GPM6A: variants seen among roughly 807,000 people sequenced by gnomAD.
GPM6A encodes the protein glycoprotein M6A, also known as neuronal membrane glycoprotein M6-a.
GPM6A carries 7 observed loss-of-function variants against 32.1 expected under a neutral mutation model. The ratio of observed to expected loss-of-function variants is 0.22; its 90% CI spans 0.12 to 0.41. GPM6A has a LOEUF of 0.41. GPM6A is among the 10% of genes least tolerant of loss of function. GPM6A has a pLI of 1.00. For synonymous variants in GPM6A, 130 were observed against 123.4 expected, an observed-to-expected ratio of 1.05 and a Z score of -0.35; for missense variants, 235 against 347.2, an observed-to-expected ratio of 0.68 and a Z score of 2.57.
intron 6 of GPM6A, among the ~76,000 whole-genome samples, chr4:175,636,258 C>CTATATATATA (rs1553967457): frequency 2.9e-5 from 1 of 34,100 alleles, no homozygotes. Flanking sequence ...AGCATAATCA[C>CTATATATATA]TGTATATATA....
rs377016641 is a variant in GPM6A, at chr4:175,713,856, C to T, written c.38-12089G>A. ...TGCTGAATCTCATTATTTTTGATAG[C>T]GGTTGTTGGTTTTCCTTGTCTGATC... On this transcript the variant is annotated intron_variant, in intron 1 of 6. Coordinates refer to ENST00000393658, the MANE Select transcript of GPM6A (RefSeq NM_201591.3). 5.9e-5 allele frequency among the ~76,000 whole-genome samples: 9 copies of T among 152,162 alleles called. No homozygotes were observed. In the South Asian group the frequency reaches 1.2e-3, roughly 21 times the overall value.
At chr4:175,789,836 C>A (rs1040329249) in intron 1 of GPM6A, among the ~76,000 whole-genome samples, 1 of 152,166 alleles carries the variant, frequency 6.6e-6, no homozygotes, top group African/African-American at 2.4e-5. Flanking sequence ...TCCTGTGTGC[C>A]AATGTGCCTT....
chr4:175,796,230 T>A (rs762350536), intron 1 of GPM6A, among the ~76,000 whole-genome samples: 1 of 152,174 alleles, frequency 6.6e-6, no homozygotes, highest in Admixed American at 6.5e-5. Context: ...TTATCTTTTA[T>A]CAATAAGAGT....
At chr4:175,797,605 A>G (rs148529342) in intron 1 of GPM6A, among the ~76,000 whole-genome samples, 2 of 152,282 alleles carry the variant, frequency 1.3e-5, no homozygotes, top group East Asian at 3.9e-4. Context: ...TGAATAATCC[A>G]GATTAAAGAC....
At chr4:175,818,958 G>A (rs1735195702) in intron 1 of GPM6A, among the ~76,000 whole-genome samples, 1 of 152,040 alleles carries the variant, frequency 6.6e-6, no homozygotes, top group African/African-American at 2.4e-5. Context: ...ACACTCTTTG[G>A]GCCAAACTTA....
At chr4:175,853,206 G>C (rs1307585625) in intron 1 of GPM6A, among the ~76,000 whole-genome samples, 1 of 151,948 alleles carries the variant, frequency 6.6e-6, no homozygotes, top group Non-Finnish European at 1.5e-5. Flanking sequence ...TGAATAATTT[G>C]CTGCTTCTAT....
At chr4:175,681,354 C>T (rs896954984) in intron 2 of GPM6A, among the ~76,000 whole-genome samples, 1 of 152,168 alleles carries the variant, frequency 6.6e-6, no homozygotes, top group African/African-American at 2.4e-5. Context: ...TGAAATTCAA[C>T]ATCTTTTAAT....
At chr4:175,798,277 A>G (rs1734318087) in intron 1 of GPM6A, among the ~76,000 whole-genome samples, 1 of 152,322 alleles carries the variant, frequency 6.6e-6, no homozygotes, top group East Asian at 1.9e-4. Flanking sequence ...TTGCTGTTAC[A>G]TCATTTAATA....
chr4:175,793,507 G>T (rs531055268), intron 1 of GPM6A, among the ~76,000 whole-genome samples: 1 of 152,252 alleles, frequency 6.6e-6, no homozygotes, highest in East Asian at 1.9e-4. Context: ...CTCCTGAGTA[G>T]CTGGGAATAT....
intron 1 of GPM6A, among the ~76,000 whole-genome samples, chr4:175,738,206 G>A (rs1731742061): frequency 6.6e-6 from 1 of 152,132 alleles, no homozygotes; most frequent in Non-Finnish European, 1.5e-5. Flanking sequence ...CCAATGTGCT[G>A]GGATTACAGA....
intron 2 of GPM6A, among the ~76,000 whole-genome samples, chr4:175,685,258 G>A (rs186345678): frequency 8.5e-4 from 130 of 152,266 alleles, no homozygotes; most frequent in African/African-American, 2.8e-3. Context: ...GTCCATTGAC[G>A]TTTTATTAGG....
intron 2 of GPM6A, among the ~76,000 whole-genome samples, chr4:175,678,684 T>C (rs1481201346): frequency 6.6e-6 from 1 of 152,198 alleles, no homozygotes; most frequent in South Asian, 2.1e-4. Flanking sequence ...ATGTGAACTG[T>C]GTAAACCTGT....
At chr4:175,923,583 G>A (rs931743145) in intron 1 of GPM6A, among the ~76,000 whole-genome samples, 5 of 151,256 alleles carry the variant, frequency 3.3e-5, no homozygotes, top group Non-Finnish European at 7.4e-5. Context: ...AGACAAGATC[G>A]GGCTCTCTTG....
At chr4:175,907,945 C>T (rs145913761) in intron 1 of GPM6A, among the ~76,000 whole-genome samples, 8 of 152,084 alleles carry the variant, frequency 5.3e-5, no homozygotes, top group East Asian at 1.9e-4. Flanking sequence ...CATAAACCTA[C>T]GATGGGTAAG....
chr4:175,778,627 C>CCAAA (rs1733489838), intron 1 of GPM6A, among the ~76,000 whole-genome samples: 2 of 75,202 alleles, frequency 2.7e-5, no homozygotes, highest in Non-Finnish European at 4.8e-5. Context: ...CTGTATCCAA[C>CCAAA]AAAAAAAAAA....
intron 2 of GPM6A, among the ~76,000 whole-genome samples, chr4:175,681,187 G>A (rs1313160428): frequency 6.6e-6 from 1 of 152,070 alleles, no homozygotes; most frequent in Non-Finnish European, 1.5e-5. Context: ...CCTCTCTATA[G>A]GTCTTGTACC....
intron 1 of GPM6A, among the ~76,000 whole-genome samples, chr4:175,892,801 T>C (rs771412755): frequency 1.3e-5 from 2 of 152,204 alleles, no homozygotes; most frequent in Non-Finnish European, 2.9e-5. Context: ...CTTGCTAAAC[T>C]CAATAAAAGC....
intron 1 of GPM6A, among the ~76,000 whole-genome samples, chr4:175,911,801 G>A (rs1051305382): frequency 6.6e-6 from 1 of 152,146 alleles, no homozygotes; most frequent in Non-Finnish European, 1.5e-5. Context: ...ATCTGAAGGT[G>A]AGTGATTGCA....
At chr4:175,659,828 A>T (rs1742298905) in intron 3 of GPM6A, among the ~76,000 whole-genome samples, 1 of 152,206 alleles carries the variant, frequency 6.6e-6, no homozygotes, top group African/African-American at 2.4e-5. Context: ...CTCAACAAAC[A>T]TCTGTTGAAT....
Sources: gnomAD v4.1 joint callset for allele counts (sites outside exome capture counted in the v4.1 genomes callset) on GRCh38, gnomAD v4.1.1 for gene constraint, MANE v1.5 for transcripts, NCBI Gene and HGNC (gene_info 2026-07-23, HGNC 2026-07-21) for gene names.